TMOD3: variants seen among roughly 807,000 people sequenced by gnomAD.
TMOD3 encodes tropomodulin-3.
In TMOD3, 20 loss-of-function variants were observed where a neutral mutation model predicts 39.2. The observed-to-expected ratio is 0.51, with a 90% CI of 0.36 to 0.74. The LOEUF is 0.74. Ranked by LOEUF, TMOD3 falls within the 30% of genes least tolerant of loss-of-function variation. TMOD3 has a pLI of 0.00. For missense variants in TMOD3, 381 were observed against 412.8 expected, an observed-to-expected ratio of 0.92 and a Z score of 0.67; for synonymous variants, 143 against 145.8, an observed-to-expected ratio of 0.98 and a Z score of 0.14.
intron 3 of TMOD3, among the ~76,000 whole-genome samples, chr15:51,885,615 A>G (rs926287444): frequency 3.3e-5 from 5 of 152,222 alleles, no homozygotes; most frequent in African/African-American, 9.6e-5. Flanking sequence ...GGGCAAGGCT[A>G]TAGATTAACA....
At chr15:51,900,362 G>A (rs551777146) in intron 8 of TMOD3, 64 bp downstream of exon 8, 74 of 1,575,352 alleles carry the variant, frequency 4.7e-5, no homozygotes, top group South Asian at 3.0e-4. Context: ...AGGGCTTGGC[G>A]ACTCAGGATG....
In TMOD3 at chr15:51,887,715, T is replaced by C. The variant is rs2056572290; in HGVS notation, c.406+4T>C. ...ACAGAATTGTGTGACCTCGCAGGTA[T>C]CACCTAAAACAAGTTAATTTGTGAA... is the stretch of plus-strand genomic sequence containing the variant. On this transcript the variant is annotated splice_donor_region_variant and intron_variant, in intron 4 of 9. Transcript: ENST00000308580. The C allele has an allele frequency of 1.2e-6, 2 of 1,613,614 alleles. No homozygotes were observed. The highest frequency in any genetic ancestry group is 8.5e-7 in the Non-Finnish European group (1 of 1,179,888).
At chr15:51,850,265 T>C (rs973049480) in intron 1 of TMOD3, among the ~76,000 whole-genome samples, 3 of 152,066 alleles carry the variant, frequency 2.0e-5, no homozygotes, top group African/African-American at 7.2e-5. Context: ...ATAATTGTGC[T>C]CTTGTATAAA....
rs115613326 is a variant in TMOD3 at position 51,837,706 on chromosome 15, G to T, written c.-75+7870G>T. Among the ~76,000 whole-genome samples the T allele has an allele frequency of 8.4e-3, 1,276 of 152,170 alleles. 18 individuals are homozygous for T. Among genetic ancestry groups the T allele is most frequent in the African/African-American group, 0.028 (1,160 of 41,498 alleles). The stretch of plus-strand genomic sequence containing the variant: ...TGTTAGTCCTCAGCACACCCTCTGT[G>T]CTTGCCTTTCCTCTGCCACTTTTCT... On this transcript the variant is annotated intron_variant, in intron 1 of 9. Transcript: ENST00000308580.
At chr15:51,845,078 G>C (rs949611016) in intron 1 of TMOD3, among the ~76,000 whole-genome samples, 4 of 152,052 alleles carry the variant, frequency 2.6e-5, no homozygotes, top group Admixed American at 1.3e-4. Context: ...AGTGATGAGG[G>C]CAAGTCAGTA....
chr15:51,890,748 G>A (rs2056588926), intron 5 of TMOD3, among the ~76,000 whole-genome samples: 1 of 152,128 alleles, frequency 6.6e-6, no homozygotes, highest in Non-Finnish European at 1.5e-5. Context: ...TCAGACATGT[G>A]TATAACATTC....
intron 3 of TMOD3, among the ~76,000 whole-genome samples, chr15:51,873,929 A>T (rs1453110516): frequency 1.3e-5 from 2 of 152,148 alleles, no homozygotes; most frequent in African/African-American, 4.8e-5. Flanking sequence ...CCGACTGCTT[A>T]ATTTTTTCAA....
intron 1 of TMOD3, among the ~76,000 whole-genome samples, chr15:51,830,160 C>T (rs1227264305): frequency 6.6e-6 from 1 of 152,134 alleles, no homozygotes; most frequent in East Asian, 1.9e-4. Flanking sequence ...GCCGAGCTGG[C>T]TCCCTGCACC....
chr15:51,889,729 G>A (rs1386963122), intron 5 of TMOD3, among the ~76,000 whole-genome samples: 1 of 152,104 alleles, frequency 6.6e-6, no homozygotes, highest in African/African-American at 2.4e-5. Flanking sequence ...AGCTGGGCAT[G>A]GTGGCACATG....
intron 1 of TMOD3, among the ~76,000 whole-genome samples, chr15:51,857,008 A>G (rs2056391098): frequency 6.6e-6 from 1 of 152,236 alleles, no homozygotes; most frequent in Admixed American, 6.5e-5. Context: ...GGGAGAGACT[A>G]TAAGCAACTT....
chr15:51,904,597 C>T (rs1489871548), intron 9 of TMOD3, among the ~76,000 whole-genome samples: 2 of 152,216 alleles, frequency 1.3e-5, no homozygotes, highest in Admixed American at 1.3e-4. Flanking sequence ...GCAGCTGTCC[C>T]TCCAGGAGCT....
At chr15:51,851,002 A>G (rs975722443) in intron 1 of TMOD3, among the ~76,000 whole-genome samples, 1 of 152,216 alleles carries the variant, frequency 6.6e-6, no homozygotes, top group African/African-American at 2.4e-5. Flanking sequence ...CAAAGTGTAC[A>G]GGCATGAGCC....
chr15:51,865,665 C>G (rs1030849532), intron 2 of TMOD3, among the ~76,000 whole-genome samples: 3 of 152,124 alleles, frequency 2.0e-5, no homozygotes, highest in Admixed American at 1.3e-4. Flanking sequence ...TTGACAGCAT[C>G]TGTTTGTTGG....
rs1422281431 is a variant in TMOD3 at position 51,908,978 on chromosome 15, A to G, written c.*168A>G. On this transcript the variant is annotated 3_prime_UTR_variant, in exon 10 of 10. Transcript: ENST00000308580. ...CAAATTGTAAAATCAGTAATGTGATATTTTATATTCTGAAACATTTCTACT... is the reference window on the plus strand; with the variant it reads ...CAAATTGTAAAATCAGTAATGTGATGTTTTATATTCTGAAACATTTCTACT... 2.3e-5 allele frequency: 10 copies of G among 440,590 alleles called. No individual in the cohort carries two copies. Among genetic ancestry groups the G allele is most frequent in the Non-Finnish European group, 3.6e-5 (9 of 246,692 alleles). 27.3% of individuals were successfully genotyped at this position (440,590 alleles called of 1,614,324 possible). A position where few individuals can be genotyped will look rare whatever the true frequency, so the allele number is the denominator to read the frequency against.
intron 7 of TMOD3, among the ~76,000 whole-genome samples, chr15:51,897,189 C>A (rs766871963): frequency 1.3e-5 from 2 of 152,126 alleles, no homozygotes; most frequent in Non-Finnish European, 2.9e-5. Context: ...AGAACGTGGT[C>A]CTTCTTTTCT....
At position 51,893,808 on chromosome 15, in the gene TMOD3, A is replaced by C. The variant is rs374220102; in HGVS notation, c.497-7A>C. ...TCAAATCCTGCTCTTTTCATTTATCACTGCAGATGTGGTCAAAGGTGAAAA... is the reference window on the plus strand; with the variant it reads ...TCAAATCCTGCTCTTTTCATTTATCCCTGCAGATGTGGTCAAAGGTGAAAA... On this transcript the variant is annotated splice_polypyrimidine_tract_variant and splice_region_variant and intron_variant, in intron 5 of 9. Coordinates refer to ENST00000308580, the MANE Select transcript of TMOD3 (RefSeq NM_014547.5). The C allele has an allele frequency of 8.1e-5, 123 of 1,512,716 alleles. No individual in the cohort carries two copies. In the Admixed American group the frequency reaches 1.1e-3, roughly 14 times the overall value. The allele number at this position is 1,512,716 out of a possible 1,614,324, so 93.7% of individuals were successfully genotyped here. A position where few individuals can be genotyped will look rare whatever the true frequency, so the allele number is the denominator to read the frequency against.
At chr15:51,890,697 T>G (rs1424055976) in intron 5 of TMOD3, among the ~76,000 whole-genome samples, 1 of 152,252 alleles carries the variant, frequency 6.6e-6, no homozygotes, top group Non-Finnish European at 1.5e-5. Context: ...CACTTAGCAG[T>G]CGACCGTGTT....
chr15:51,851,892 C>T (rs189604343), intron 1 of TMOD3, among the ~76,000 whole-genome samples: 1 of 152,322 alleles, frequency 6.6e-6, no homozygotes, highest in Non-Finnish European at 1.5e-5. Context: ...TTAGCGTAGT[C>T]CTAGGCTGAG....
At chr15:51,833,787 A>G (rs937412747) in intron 1 of TMOD3, among the ~76,000 whole-genome samples, 3 of 152,214 alleles carry the variant, frequency 2.0e-5, no homozygotes, top group African/African-American at 7.2e-5. Context: ...GATTGTTATG[A>G]ACATACTTTT....
Sources: gnomAD v4.1 joint callset for allele counts (sites outside exome capture counted in the v4.1 genomes callset) on GRCh38, gnomAD v4.1.1 for gene constraint, MANE v1.5 for transcripts, NCBI Gene and HGNC (gene_info 2026-07-23, HGNC 2026-07-21) for gene names.